The following EXOC6B variants were observed in gnomAD, a reference collection of about 807,000 sequenced individuals.
The protein encoded by EXOC6B is SEC15 homolog B.
A neutral mutation model predicts 113.5 loss-of-function variants in EXOC6B; 54 were observed. That is an observed-to-expected ratio of 0.48 (90% confidence interval 0.38 to 0.60). The LOEUF (loss-of-function observed/expected upper bound fraction) is 0.60. Ranked by LOEUF, EXOC6B falls within the 20% of genes least tolerant of loss-of-function variation. The pLI, the probability that EXOC6B is intolerant of heterozygous loss-of-function variation, is 0.00. For synonymous variants in EXOC6B, 357 were observed against 339.0 expected (o/e 1.05, Z -0.58); for missense variants, 797 against 977.5 (o/e 0.82, Z 2.46).
At chr2:72,229,962 C>T (rs13395204) in intron 20 of EXOC6B, among the ~76,000 whole-genome samples, 69,631 of 151,876 alleles carry the variant, frequency 0.46, 21,007 homozygotes, top group African/African-American at 0.86. Flanking sequence ...AAGATCACTT[C>T]ACTGTACAAT....
At chr2:72,639,213 G>A (rs757778124) in intron 6 of EXOC6B, among the ~76,000 whole-genome samples, 17 of 152,140 alleles carry the variant, frequency 1.1e-4, no homozygotes, top group Non-Finnish European at 2.5e-4. Flanking sequence ...GTTTCAGATG[G>A]AGTCTTGGCA....
chr2:72,607,793 C>T (rs1477616453), intron 6 of EXOC6B, among the ~76,000 whole-genome samples: 2 of 151,972 alleles, frequency 1.3e-5, no homozygotes, highest in Non-Finnish European at 2.9e-5. Context: ...ACAGATATGA[C>T]TTCAGTAGGG....
At chr2:72,787,496 G>A (rs891882369) in intron 1 of EXOC6B, among the ~76,000 whole-genome samples, 13 of 151,896 alleles carry the variant, frequency 8.6e-5, no homozygotes, top group African/African-American at 2.2e-4. Context: ...CACAGTGCCC[G>A]GCCTCAGGGT....
chr2:72,413,892 A>G (rs542110802), intron 18 of EXOC6B, among the ~76,000 whole-genome samples: 6 of 152,272 alleles, frequency 3.9e-5, no homozygotes, highest in African/African-American at 7.2e-5. Flanking sequence ...CATGAACCTC[A>G]GTCTAAGATC....
Position 72,687,137 on chromosome 2 carries a change from C to CA in EXOC6B, c.669+30965dup, listed in dbSNP as rs60068783. Among the ~76,000 whole-genome samples, 335 of 125,208 alleles carry CA rather than the reference C, an allele frequency of 2.7e-3. 1 individual carries two copies. The highest frequency in any genetic ancestry group is 8.2e-3 in the Middle Eastern group (2 of 244). 82.1% of individuals were successfully genotyped at this position (125,208 alleles called of 152,430 possible). A position where few individuals can be genotyped will look rare whatever the true frequency, so the allele number is the denominator to read the frequency against. Reference sequence around the variant, plus strand: ...TGGGTGACAGAGCCAGACTGTGTCTCAAAAAAAAAAAAAAACCTTTGTTTT... The same window carrying CA: ...TGGGTGACAGAGCCAGACTGTGTCTCAAAAAAAAAAAAAAAACCTTTGTTTT... On this transcript the variant is annotated intron_variant, in intron 6 of 21. Coordinates refer to ENST00000272427, the MANE Select transcript of EXOC6B (RefSeq NM_015189.3).
chr2:72,440,717 A>G (rs1449444262), intron 18 of EXOC6B, among the ~76,000 whole-genome samples: 1 of 152,222 alleles, frequency 6.6e-6, no homozygotes, highest in East Asian at 1.9e-4. Context: ...AATGCCCTAA[A>G]TAAAAGACAC....
intron 18 of EXOC6B, among the ~76,000 whole-genome samples, chr2:72,396,532 A>C (rs1692735678): frequency 6.6e-6 from 1 of 152,190 alleles, no homozygotes; most frequent in Non-Finnish European, 1.5e-5. Flanking sequence ...AGATTAATGA[A>C]ATCACAAGTG....
intron 6 of EXOC6B, among the ~76,000 whole-genome samples, chr2:72,689,337 C>T (rs191161494): frequency 6.6e-6 from 1 of 152,288 alleles, no homozygotes; most frequent in African/African-American, 2.4e-5. Context: ...CATCACTTAT[C>T]AAAGTGGTTA....
At chr2:72,610,895 G>A (rs1671034952) in intron 6 of EXOC6B, among the ~76,000 whole-genome samples, 1 of 152,150 alleles carries the variant, frequency 6.6e-6, no homozygotes, top group African/African-American at 2.4e-5. Flanking sequence ...TGTGATGAAA[G>A]TTCACATCAC....
chr2:72,375,565 C>A (rs1356992225), intron 19 of EXOC6B, among the ~76,000 whole-genome samples: 1 of 151,682 alleles, frequency 6.6e-6, no homozygotes, highest in African/African-American at 2.4e-5. Flanking sequence ...TCCAAATAAC[C>A]CACAAGTAAA....
chr2:72,517,377 T>C (rs1019657306), intron 8 of EXOC6B, among the ~76,000 whole-genome samples: 4 of 152,212 alleles, frequency 2.6e-5, no homozygotes, highest in Admixed American at 6.5e-5. Context: ...TTATGGTTTG[T>C]TGAACCCTGG....
chr2:72,563,730 G>A (rs1270492472), intron 7 of EXOC6B, among the ~76,000 whole-genome samples: 3 of 151,988 alleles, frequency 2.0e-5, no homozygotes, highest in African/African-American at 4.8e-5. Context: ...AAAACGCCAG[G>A]ATGTGACTTT....
At position 72,727,586 on chromosome 2, in the gene EXOC6B, C is replaced by G. The variant is rs546479615; in HGVS notation, c.464+3421G>C. Reference sequence around the variant, plus strand: ...GCTAGAAATATTTCAAAGCTAATGTCCATTCTCTATCGCACTGTGGTTGCA... The same window carrying G: ...GCTAGAAATATTTCAAAGCTAATGTGCATTCTCTATCGCACTGTGGTTGCA... On this transcript the variant is annotated intron_variant, in intron 5 of 21. Coordinates refer to ENST00000272427, the MANE Select transcript of EXOC6B (RefSeq NM_015189.3). Among the ~76,000 whole-genome samples the G allele has an allele frequency of 5.9e-5, 9 of 152,264 alleles. No individual in the cohort carries two copies. The South Asian group carries it at 1.9e-3, about 32-fold the overall frequency.
chr2:72,427,692 C>T (rs553991384), intron 18 of EXOC6B, among the ~76,000 whole-genome samples: 78 of 152,186 alleles, frequency 5.1e-4, no homozygotes, highest in African/African-American at 1.6e-3. Context: ...GTGCCATGGT[C>T]GGCAGCAGGG....
At chr2:72,461,182 G>A (rs1318944305) in intron 18 of EXOC6B, among the ~76,000 whole-genome samples, 24 of 130,410 alleles carry the variant, frequency 1.8e-4, no homozygotes, top group Non-Finnish European at 6.3e-5. Context: ...CACAGGAAGG[G>A]GAACATCACA....
At chr2:72,822,390 C>T (rs1686632222) in intron 1 of EXOC6B, among the ~76,000 whole-genome samples, 1 of 152,136 alleles carries the variant, frequency 6.6e-6, no homozygotes, top group Non-Finnish European at 1.5e-5. Flanking sequence ...TGTGGATATG[C>T]TTGGGCCTTT....
rs1691557411 is a variant in EXOC6B, at chr2:72,379,546, T to C, written c.2122+183A>G. Reference sequence around the variant, plus strand: ...TTTTAAATATGAGTCTAAGCACTTCTGGGAGTTCAAATTAGCTTGCTGATA... The same window carrying C: ...TTTTAAATATGAGTCTAAGCACTTCCGGGAGTTCAAATTAGCTTGCTGATA... On this transcript the variant is annotated intron_variant, in intron 19 of 21. Coordinates refer to ENST00000272427, the MANE Select transcript of EXOC6B (RefSeq NM_015189.3). 2.0e-5 allele frequency among the ~76,000 whole-genome samples: 3 copies of C among 152,210 alleles called. No homozygotes were observed. The South Asian group carries it at 6.2e-4, about 31-fold the overall frequency.
At chr2:72,360,846 G>C (rs1194399917) in intron 19 of EXOC6B, among the ~76,000 whole-genome samples, 3 of 150,750 alleles carry the variant, frequency 2.0e-5, no homozygotes, top group African/African-American at 7.4e-5. Flanking sequence ...CAGGAGAATG[G>C]CGTGAACCCG....
At chr2:72,510,803 C>T (rs1177746521) in intron 11 of EXOC6B, among the ~76,000 whole-genome samples, 1 of 151,576 alleles carries the variant, frequency 6.6e-6, no homozygotes, top group East Asian at 1.9e-4. Flanking sequence ...AAAAGTAAGG[C>T]ACTCAAAAAA....
Sources: gnomAD v4.1 joint callset for allele counts (sites outside exome capture counted in the v4.1 genomes callset) on GRCh38, gnomAD v4.1.1 for gene constraint, MANE v1.5 for transcripts, NCBI Gene and HGNC (gene_info 2026-07-23, HGNC 2026-07-21) for gene names.